The following HECW2 variants were observed in gnomAD, a reference collection of about 807,000 sequenced individuals.
HECW2 encodes HECT, C2 and WW domain containing E3 ubiquitin protein ligase 2.
A neutral mutation model predicts 175.2 loss-of-function variants in HECW2; 61 were observed. The observed-to-expected ratio is 0.35, with a 90% CI of 0.28 to 0.43. The LOEUF is 0.43. HECW2 is among the 20% of genes least tolerant of loss of function. The pLI is 1.00. For missense variants in HECW2, 1,524 were observed against 2,000.5 expected (o/e 0.76, Z 4.54); for synonymous variants, 671 against 731.0 (o/e 0.92, Z 1.32).
At chr2:196,280,414 A>T (rs1334995897) in intron 14 of HECW2, among the ~76,000 whole-genome samples, 1 of 152,206 alleles carries the variant, frequency 6.6e-6, no homozygotes, top group African/African-American at 2.4e-5. Context: ...TATGTACATC[A>T]TCAAGAAATG....
At chr2:196,291,858 T>C (rs1189917533) in intron 14 of HECW2, 2 of 152,248 alleles carry the variant, frequency 1.3e-5, no homozygotes, top group African/African-American at 4.8e-5. Context: ...AGGTACTACA[T>C]AAGAGTTAAA....
chr2:196,489,293 G>C (rs1687110453), intron 1 of HECW2, among the ~76,000 whole-genome samples: 1 of 152,198 alleles, frequency 6.6e-6, no homozygotes, highest in Non-Finnish European at 1.5e-5. Flanking sequence ...CTGAAAGAGA[G>C]AGAGATATAT....
intron 1 of HECW2, among the ~76,000 whole-genome samples, chr2:196,514,603 C>T (rs533817839): frequency 2.0e-5 from 3 of 152,282 alleles, no homozygotes; most frequent in Admixed American, 6.5e-5. Flanking sequence ...ATGGACCAAT[C>T]GGCATGCACT....
At chr2:196,541,411 T>C (rs1689208386) in intron 1 of HECW2, among the ~76,000 whole-genome samples, 1 of 152,110 alleles carries the variant, frequency 6.6e-6, no homozygotes, top group South Asian at 2.1e-4. Flanking sequence ...GGCGGGTAAC[T>C]AAAAATACTT....
At chr2:196,483,397 A>G (rs1391093945) in intron 1 of HECW2, among the ~76,000 whole-genome samples, 1 of 152,252 alleles carries the variant, frequency 6.6e-6, no homozygotes, top group Non-Finnish European at 1.5e-5. Context: ...TTGACACTTT[A>G]GTTTGATAAG....
At chr2:196,553,023 C>G (rs978622688) in intron 1 of HECW2, among the ~76,000 whole-genome samples, 7 of 152,200 alleles carry the variant, frequency 4.6e-5, no homozygotes, top group African/African-American at 1.4e-4. Context: ...GCCCCAAGCC[C>G]CAGAAGGGGT....
intron 1 of HECW2, among the ~76,000 whole-genome samples, chr2:196,560,189 A>C (rs1341091694): frequency 6.6e-6 from 1 of 152,192 alleles, no homozygotes; most frequent in South Asian, 2.1e-4. Flanking sequence ...CTTGTTGCCC[A>C]GGTTGGAGTG....
chr2:196,227,849 A>T (rs778099652), intron 22 of HECW2, among the ~76,000 whole-genome samples: 12 of 152,206 alleles, frequency 7.9e-5, no homozygotes, highest in Non-Finnish European at 1.8e-4. Flanking sequence ...ATACCTTTTG[A>T]ATTCTACCCA....
chr2:196,522,155 A>C (rs988636033), intron 1 of HECW2, among the ~76,000 whole-genome samples: 101 of 152,074 alleles, frequency 6.6e-4, no homozygotes, highest in Non-Finnish European at 1.1e-3. Flanking sequence ...TTGTTTCCTG[A>C]CTTTTTAATG....
chr2:196,261,369 T>A (rs1382306801), intron 17 of HECW2, among the ~76,000 whole-genome samples: 1 of 152,200 alleles, frequency 6.6e-6, no homozygotes, highest in Non-Finnish European at 1.5e-5. Flanking sequence ...AATAGAAAAG[T>A]GGTGGTAGAA....
intron 1 of HECW2, among the ~76,000 whole-genome samples, chr2:196,539,094 C>T (rs1689118376): frequency 6.6e-6 from 1 of 152,144 alleles, no homozygotes; most frequent in African/African-American, 2.4e-5. Context: ...TCCAGAAGTG[C>T]CCTGGAGTCT....
At chr2:196,345,770 G>C (rs1575441114) in intron 2 of HECW2, among the ~76,000 whole-genome samples, 1 of 152,186 alleles carries the variant, frequency 6.6e-6, no homozygotes, top group African/African-American at 2.4e-5. Flanking sequence ...ACTTGATCTG[G>C]AATCCTCAAG....
chr2:196,388,067 G>A (rs995454179), intron 2 of HECW2, among the ~76,000 whole-genome samples: 1 of 152,088 alleles, frequency 6.6e-6, no homozygotes, highest in African/African-American at 2.4e-5. Context: ...AATGTGGGAG[G>A]ATTGCTTGAG....
At chr2:196,232,805 T>C (rs938194500) in intron 21 of HECW2, among the ~76,000 whole-genome samples, 1 of 152,122 alleles carries the variant, frequency 6.6e-6, no homozygotes, top group African/African-American at 2.4e-5. Flanking sequence ...AAACTGAAAA[T>C]GAAAAGTCTT....
intron 14 of HECW2, chr2:196,290,719 T>G (rs1461228837): frequency 6.6e-6 from 1 of 152,220 alleles, no homozygotes; most frequent in Non-Finnish European, 1.5e-5. Context: ...CAATGGAATA[T>G]TTACAGGCAC....
chr2:196,402,926 C>A (rs1338450761), intron 2 of HECW2, among the ~76,000 whole-genome samples: 1 of 151,702 alleles, frequency 6.6e-6, no homozygotes, highest in Non-Finnish European at 1.5e-5. Context: ...TGTGCCTCAG[C>A]CTCCCGAGTA....
intron 1 of HECW2, among the ~76,000 whole-genome samples, chr2:196,458,271 T>C (rs1696593612): frequency 6.6e-6 from 1 of 152,070 alleles, no homozygotes; most frequent in Admixed American, 6.5e-5. Context: ...ACCCTGTCTC[T>C]AAGAATTATT....
intron 19 of HECW2, among the ~76,000 whole-genome samples, chr2:196,250,799 C>G (rs1371970598): frequency 6.6e-6 from 1 of 152,100 alleles, no homozygotes; most frequent in African/African-American, 2.4e-5. Context: ...TGCTCAACTT[C>G]CCATCCTAAA....
At chr2:196,392,466 G>A (rs1694542157) in intron 2 of HECW2, among the ~76,000 whole-genome samples, 1 of 151,142 alleles carries the variant, frequency 6.6e-6, no homozygotes, top group Non-Finnish European at 1.5e-5. Flanking sequence ...GTTTAAGGAA[G>A]TGTGGTACAT....
Sources: gnomAD v4.1 joint callset for allele counts (sites outside exome capture counted in the v4.1 genomes callset) on GRCh38, gnomAD v4.1.1 for gene constraint, MANE v1.5 for transcripts, NCBI Gene and HGNC (gene_info 2026-07-23, HGNC 2026-07-21) for gene names.